Variants in PROS1 observed in about 807,000 individuals in gnomAD.
PROS1 encodes the protein protein S, also known as vitamin K-dependent protein S.
PROS1 carries 29 observed loss-of-function variants against 75.9 expected under a neutral mutation model. That is an observed-to-expected ratio of 0.38 (90% CI 0.28 to 0.52). The LOEUF (loss-of-function observed/expected upper bound fraction) is 0.52, where lower values mean the gene tolerates loss of function less well. Among genes scored for constraint, PROS1 ranks in the 20% least tolerant of loss-of-function variants. PROS1 has a pLI of 0.83. For missense variants in PROS1, 680 were observed against 810.3 expected, an observed-to-expected ratio of 0.84 and a Z score of 1.95; for synonymous variants, 245 against 280.6, an observed-to-expected ratio of 0.87 and a Z score of 1.27.
At chr3:93,948,389 T>C (rs1164182886) in intron 1 of PROS1, among the ~76,000 whole-genome samples, 1 of 152,098 alleles carries the variant, frequency 6.6e-6, no homozygotes, top group African/African-American at 2.4e-5. Context: ...ATTCTGTTGA[T>C]TTGGGGTGGA....
At chr3:93,938,808 T>G (rs1165807596) in intron 1 of PROS1, among the ~76,000 whole-genome samples, 1 of 152,124 alleles carries the variant, frequency 6.6e-6, no homozygotes, top group Non-Finnish European at 1.5e-5. Flanking sequence ...GACGCCTGCC[T>G]GATTATTCAC....
chr3:93,961,399 AT>A (rs1275123583), intron 1 of PROS1, among the ~76,000 whole-genome samples: 1 of 152,232 alleles, frequency 6.6e-6, no homozygotes, highest in African/African-American at 2.4e-5. Context: ...TTGCCATGTT[AT>A]GGTGAGGGCC....
intron 1 of PROS1, among the ~76,000 whole-genome samples, chr3:93,955,141 G>C (rs1436026436): frequency 6.6e-6 from 1 of 152,208 alleles, no homozygotes; most frequent in Non-Finnish European, 1.5e-5. Context: ...CTGTAAACTA[G>C]TTCAACCATT....
chr3:93,897,470 C>T (rs773775467), intron 8 of PROS1, among the ~76,000 whole-genome samples: 2 of 151,888 alleles, frequency 1.3e-5, no homozygotes, highest in East Asian at 1.9e-4. Flanking sequence ...TCAAGGCAGA[C>T]GGTGATATGT....
chr3:93,924,912 T>C (rs1048024643), intron 2 of PROS1, among the ~76,000 whole-genome samples: 6 of 152,108 alleles, frequency 3.9e-5, no homozygotes, highest in African/African-American at 9.7e-5. Context: ...CAAGCGATCC[T>C]CCCACCTTGG....
intron 1 of PROS1, among the ~76,000 whole-genome samples, chr3:93,960,926 C>A (rs1349251084): frequency 7.3e-6 from 1 of 137,686 alleles, no homozygotes. Context: ...ACCAATAAAA[C>A]AAAAGGGCAA....
chr3:93,898,535 C>T lies in PROS1; in HGVS notation c.762G>A (p.Gln254=). 6.2e-7 allele frequency: 1 copy of T among 1,612,658 alleles called. No individual in the cohort carries two copies. ...AACCTCCAGGGTAATTGACACAAAG[C>T]TGAGCACACATGTTCTCAGAGCATT... The part of the protein sequence containing the change: ...IDECSENMCA[Q]LCVNYPGGYT... Residue 254 remains glutamine, a synonymous_variant, in exon 8 of 15, where the codon CAG becomes CAA. Transcript: ENST00000394236.
chr3:93,938,189 C>T (rs1319534903), intron 1 of PROS1, among the ~76,000 whole-genome samples: 2 of 152,170 alleles, frequency 1.3e-5, no homozygotes, highest in Non-Finnish European at 2.9e-5. Flanking sequence ...GATGACATTA[C>T]CTTGTGAAAT....
At chr3:93,933,644 G>T (rs568402356) in intron 1 of PROS1, among the ~76,000 whole-genome samples, 1 of 151,990 alleles carries the variant, frequency 6.6e-6, no homozygotes, top group South Asian at 2.1e-4. Flanking sequence ...TTAATAATGG[G>T]CTGGCGTGGT....
chr3:93,957,891 C>G (rs562477261), intron 1 of PROS1, among the ~76,000 whole-genome samples: 1 of 151,966 alleles, frequency 6.6e-6, no homozygotes, highest in African/African-American at 2.4e-5. Context: ...GAGTTCGAGA[C>G]CAGCCTGGCC....
chr3:93,922,303 G>C (rs1324747069), intron 3 of PROS1, among the ~76,000 whole-genome samples: 3 of 151,864 alleles, frequency 2.0e-5, no homozygotes, highest in Non-Finnish European at 2.9e-5. Flanking sequence ...GATTTCTAAT[G>C]TTTATATTTA....
intron 2 of PROS1, among the ~76,000 whole-genome samples, chr3:93,926,460 C>T (rs1473996955): frequency 6.6e-6 from 1 of 151,942 alleles, no homozygotes; most frequent in Non-Finnish European, 1.5e-5. Context: ...GGCAAAACCC[C>T]GTCTCTACTA....
In PROS1 at chr3:93,902,947, A is replaced by C. The variant is rs575578365; in HGVS notation, c.602-2018T>G. Among the ~76,000 whole-genome samples, 4 of 151,984 alleles carry C rather than the reference A, an allele frequency of 2.6e-5. No homozygotes were observed. The South Asian group carries it at 8.3e-4, about 32-fold the overall frequency. On this transcript the variant is annotated intron_variant, in intron 6 of 14. Transcript: ENST00000394236. ...TCTGTTGTGATCTCAGCTCACTGCA[A>C]GCTCTGCCTCCCGGGTTCACGCTAT... is the stretch of plus-strand genomic sequence containing the variant.
chr3:93,937,635 G>A (rs1709206133), intron 1 of PROS1, among the ~76,000 whole-genome samples: 1 of 152,100 alleles, frequency 6.6e-6, no homozygotes, highest in Admixed American at 6.5e-5. Flanking sequence ...CCAAAGTACT[G>A]GGATTACAGG....
chr3:93,946,915 C>T (rs1237437090), intron 1 of PROS1, among the ~76,000 whole-genome samples: 24 of 151,120 alleles, frequency 1.6e-4, no homozygotes, highest in African/African-American at 5.8e-4. Context: ...TACAATCTAC[C>T]CATCTGACAA....
At chr3:93,971,610 AC>A (rs1433951331) in intron 1 of PROS1, among the ~76,000 whole-genome samples, 10 of 145,332 alleles carry the variant, frequency 6.9e-5, no homozygotes, top group African/African-American at 2.1e-4. Flanking sequence ...TACCAAAAAA[AC>A]AAAACAAAAT....
chr3:93,892,425 G>C (rs148158334), intron 10 of PROS1, among the ~76,000 whole-genome samples: 1 of 152,076 alleles, frequency 6.6e-6, no homozygotes, highest in East Asian at 1.9e-4. Flanking sequence ...TGGAGTTCGA[G>C]ACCAGCTGGA....
chr3:93,939,653 C>A (rs369203656), intron 1 of PROS1, among the ~76,000 whole-genome samples: 1 of 152,116 alleles, frequency 6.6e-6, no homozygotes, highest in Non-Finnish European at 1.5e-5. Context: ...TTTTCTTTAT[C>A]TGACCTCTCC....
chr3:93,926,540 G>A (rs1265823514), intron 2 of PROS1, among the ~76,000 whole-genome samples: 1 of 152,206 alleles, frequency 6.6e-6, no homozygotes, highest in Non-Finnish European at 1.5e-5. Context: ...GCTGAGGCAT[G>A]AGAATCTCTT....
Sources: gnomAD v4.1 joint callset for allele counts (sites outside exome capture counted in the v4.1 genomes callset) on GRCh38, gnomAD v4.1.1 for gene constraint, MANE v1.5 for transcripts, NCBI Gene and HGNC (gene_info 2026-07-23, HGNC 2026-07-21) for gene names.